The following MAP2K1 variants were observed in gnomAD, a reference collection of about 807,000 sequenced individuals.
MAP2K1 encodes dual specificity mitogen-activated protein kinase kinase 1.
MAP2K1 carries 16 observed loss-of-function variants against 46.3 expected under a neutral mutation model. The observed-to-expected ratio is 0.35, with a 90% CI of 0.23 to 0.52. The LOEUF (loss-of-function observed/expected upper bound fraction) is 0.52, where lower values mean the gene tolerates loss of function less well. Among genes scored for constraint, MAP2K1 ranks in the 20% least tolerant of loss-of-function variants. MAP2K1 has a pLI of 0.94. For missense variants in MAP2K1, 263 were observed against 497.1 expected, an observed-to-expected ratio of 0.53 and a Z score of 4.48; for synonymous variants, 183 against 185.6, an observed-to-expected ratio of 0.99 and a Z score of 0.11.
chr15:66,444,262 G>A (rs1208093302), intron 4 of MAP2K1, among the ~76,000 whole-genome samples: 2 of 147,878 alleles, frequency 1.4e-5, no homozygotes, highest in East Asian at 2.0e-4. Flanking sequence ...GCCCAGGCAC[G>A]GTGGCTTACA....
intron 1 of MAP2K1, among the ~76,000 whole-genome samples, chr15:66,425,445 A>G (rs1411144246): frequency 1.3e-5 from 2 of 151,528 alleles, no homozygotes; most frequent in Admixed American, 6.6e-5. Context: ...TTGGCCGCCT[A>G]CTCTTCTTCA....
chr15:66,459,267 C>T (rs953420973), intron 5 of MAP2K1, among the ~76,000 whole-genome samples: 100 of 139,354 alleles, frequency 7.2e-4, no homozygotes, highest in Non-Finnish European at 3.0e-4. Flanking sequence ...GAGCCAAAAT[C>T]GCCACTGCAC....
intron 1 of MAP2K1, among the ~76,000 whole-genome samples, chr15:66,423,159 A>G (rs1428680082): frequency 6.6e-6 from 1 of 152,058 alleles, no homozygotes; most frequent in African/African-American, 2.4e-5. Flanking sequence ...CCTCAGCTCC[A>G]TGTAATCGGC....
intron 1 of MAP2K1, among the ~76,000 whole-genome samples, chr15:66,431,113 A>G (rs763495433): frequency 4.6e-5 from 7 of 152,148 alleles, no homozygotes. Context: ...CTGCAGCTCC[A>G]GTTTTGTTTT....
At chr15:66,466,666 C>T (rs1006807273) in intron 5 of MAP2K1, among the ~76,000 whole-genome samples, 6 of 151,892 alleles carry the variant, frequency 4.0e-5, no homozygotes, top group African/African-American at 1.2e-4. Context: ...GGCAACAGAG[C>T]GAGACTGCAT....
chr15:66,468,278 T>C (rs76371793), intron 5 of MAP2K1, among the ~76,000 whole-genome samples: 32 of 151,834 alleles, frequency 2.1e-4, no homozygotes, highest in Middle Eastern at 3.4e-3. Context: ...CCTTTTTTTT[T>C]CCCCCCTTCT....
chr15:66,448,831 C>T (rs547890317), intron 5 of MAP2K1, among the ~76,000 whole-genome samples: 8 of 151,890 alleles, frequency 5.3e-5, no homozygotes, highest in African/African-American at 1.4e-4. Context: ...GTGAAACCCC[C>T]GTCTCTACTA....
At chr15:66,412,359 A>G (rs1449070903) in intron 1 of MAP2K1, among the ~76,000 whole-genome samples, 1 of 152,212 alleles carries the variant, frequency 6.6e-6, no homozygotes, top group Non-Finnish European at 1.5e-5. Context: ...AGGTAATGAA[A>G]ACGTTAAGCA....
intron 5 of MAP2K1, among the ~76,000 whole-genome samples, chr15:66,463,348 G>A (rs966381006): frequency 2.6e-5 from 4 of 152,192 alleles, no homozygotes; most frequent in Admixed American, 1.3e-4. Context: ...GCACTGAGGG[G>A]GTGTGAACCC....
intron 3 of MAP2K1, among the ~76,000 whole-genome samples, chr15:66,437,278 T>C (rs2093490833): frequency 6.6e-6 from 1 of 152,322 alleles, no homozygotes; most frequent in South Asian, 2.1e-4. Context: ...CATAATCTAC[T>C]GTAAGGGCAG....
intron 5 of MAP2K1, among the ~76,000 whole-genome samples, chr15:66,449,785 G>T (rs946404858): frequency 6.6e-6 from 1 of 152,146 alleles, no homozygotes; most frequent in African/African-American, 2.4e-5. Flanking sequence ...GGAGGCTGAG[G>T]CAGGAGAATG....
intron 1 of MAP2K1, among the ~76,000 whole-genome samples, chr15:66,390,296 AGT>A (rs2093353569): frequency 6.6e-6 from 1 of 152,204 alleles, no homozygotes; most frequent in Non-Finnish European, 1.5e-5. Context: ...CACTTCTGAG[AGT>A]GTTCCTCAAG....
intron 3 of MAP2K1, among the ~76,000 whole-genome samples, chr15:66,441,717 G>A (rs183395039): frequency 5.8e-4 from 87 of 149,166 alleles, no homozygotes; most frequent in African/African-American, 1.9e-3. Context: ...AGGAGAGAGT[G>A]TGTTCTATCT....
At chr15:66,414,514 AGG>A (rs1385581289) in intron 1 of MAP2K1, among the ~76,000 whole-genome samples, 1 of 152,204 alleles carries the variant, frequency 6.6e-6, no homozygotes, top group Non-Finnish European at 1.5e-5. Flanking sequence ...TCTTGGAATC[AGG>A]GCACAGTCAC....
chr15:66,434,883 A>G, intron 1 of MAP2K1, 144 bp from the exon 2 acceptor site: 1 of 716,708 alleles, frequency 1.4e-6, no homozygotes, highest in Non-Finnish European at 2.6e-6. Context: ...GCAGAGCCAC[A>G]GTGGGAGGGG....
intron 5 of MAP2K1, among the ~76,000 whole-genome samples, chr15:66,447,649 C>T (rs1891906747): frequency 1.3e-5 from 2 of 149,086 alleles, no homozygotes; most frequent in Non-Finnish European, 3.0e-5. Flanking sequence ...TGAGATCATG[C>T]CATTGCACTC....
intron 1 of MAP2K1, among the ~76,000 whole-genome samples, chr15:66,432,563 T>C (rs565223587): frequency 6.6e-6 from 1 of 152,332 alleles, no homozygotes; most frequent in Admixed American, 6.5e-5. Context: ...GGAGACAGGA[T>C]TGTCTCTGGT....
At chr15:66,490,445 G>A (rs762744879) in intron 10 of MAP2K1, 57 bp from the exon 11 acceptor site, 3 of 1,252,948 alleles carry the variant, frequency 2.4e-6, no homozygotes, top group East Asian at 4.6e-5. Flanking sequence ...CCTTCCTGGT[G>A]GGTTTTGTTT....
At chr15:66,484,243 G>T (rs933032944) in intron 6 of MAP2K1, among the ~76,000 whole-genome samples, 3 of 151,832 alleles carry the variant, frequency 2.0e-5, no homozygotes, top group Non-Finnish European at 4.4e-5. Flanking sequence ...TGCCTCCCGG[G>T]TTCAAGTGAT....
Sources: gnomAD v4.1 joint callset for allele counts (sites outside exome capture counted in the v4.1 genomes callset) on GRCh38, gnomAD v4.1.1 for gene constraint, MANE v1.5 for transcripts, NCBI Gene and HGNC (gene_info 2026-07-23, HGNC 2026-07-21) for gene names.